GPC5: variants seen among roughly 807,000 people sequenced by gnomAD.
The protein encoded by GPC5 is glypican-5.
A neutral mutation model predicts 53.9 loss-of-function variants in GPC5; 47 were observed. The ratio of observed to expected loss-of-function variants is 0.87; its 90% CI spans 0.69 to 1.11. GPC5 has a LOEUF of 1.11. Ranked by LOEUF, GPC5 falls within the 50% of genes most tolerant of loss-of-function variation. The pLI, the probability that GPC5 is intolerant of heterozygous loss-of-function variation, is 0.00. For synonymous variants in GPC5, 286 were observed against 263.3 expected (o/e 1.09, Z -0.84); for missense variants, 748 against 713.1 (o/e 1.05, Z -0.56).
At chr13:92,199,548 T>C (rs1566481350) in intron 7 of GPC5, among the ~76,000 whole-genome samples, 2 of 152,214 alleles carry the variant, frequency 1.3e-5, no homozygotes. Context: ...AAATATTGAC[T>C]TGAAATACTG....
intron 4 of GPC5, among the ~76,000 whole-genome samples, chr13:91,747,662 C>A (rs369492071): frequency 1.3e-5 from 2 of 149,468 alleles, no homozygotes; most frequent in Non-Finnish European, 3.0e-5. Context: ...TCTAATCTAA[C>A]AATCTACTAA....
intron 6 of GPC5, among the ~76,000 whole-genome samples, chr13:92,080,157 C>T (rs2041284087): frequency 6.6e-6 from 1 of 152,198 alleles, no homozygotes; most frequent in Non-Finnish European, 1.5e-5. Flanking sequence ...TATCTTTCTA[C>T]CTGCTTCTCA....
At chr13:92,109,774 C>A (rs1031720967) in intron 6 of GPC5, among the ~76,000 whole-genome samples, 1 of 151,984 alleles carries the variant, frequency 6.6e-6, no homozygotes, top group Non-Finnish European at 1.5e-5. Context: ...GTTGATTAAT[C>A]AATAAAAATA....
At chr13:92,862,800 G>A (rs1044993368) in intron 7 of GPC5, among the ~76,000 whole-genome samples, 7 of 152,240 alleles carry the variant, frequency 4.6e-5, no homozygotes, top group East Asian at 1.9e-4. Flanking sequence ...CAATGTATAC[G>A]TTCTTGTCCA....
chr13:91,553,977 G>A (rs1168952456), intron 2 of GPC5, among the ~76,000 whole-genome samples: 1 of 151,990 alleles, frequency 6.6e-6, no homozygotes. Flanking sequence ...TTTAAATGAA[G>A]TTTGGAACAT....
rs1417170554 is a variant in GPC5, at chr13:92,380,763, T to TGGGGGGA, written c.1561+235785_1561+235791dup. On this transcript the variant is annotated intron_variant, in intron 7 of 7. Coordinates refer to ENST00000377067, the MANE Select transcript of GPC5 (RefSeq NM_004466.6). ...TCACACTCTGGGGACTGTTGTGGGG[T>TGGGGGGA]GGGGGGAGGGGGGAGGGATAGCACT... is the stretch of plus-strand genomic sequence containing the variant. 6.4e-5 allele frequency among the ~76,000 whole-genome samples: 4 copies of TGGGGGGA among 62,384 alleles called. 1 individual carries two copies. In the South Asian group the frequency reaches 2.7e-3, roughly 42 times the overall value. The allele number at this position is 62,384 out of a possible 152,430, so 40.9% of individuals were successfully genotyped here. A position where few individuals can be genotyped will look rare whatever the true frequency, so the allele number is the denominator to read the frequency against.
intron 7 of GPC5, among the ~76,000 whole-genome samples, chr13:92,437,818 T>C (rs551182157): frequency 6.6e-6 from 1 of 152,164 alleles, no homozygotes; most frequent in South Asian, 2.1e-4. Context: ...AATTCCAACT[T>C]CCTTCAGGTT....
intron 7 of GPC5, among the ~76,000 whole-genome samples, chr13:92,579,043 A>G (rs1320745391): frequency 6.6e-6 from 1 of 152,188 alleles, no homozygotes. Context: ...GCTTACTAGG[A>G]AAGTTATTCA....
intron 7 of GPC5, among the ~76,000 whole-genome samples, chr13:92,354,558 A>T (rs1043664776): frequency 2.0e-5 from 3 of 152,230 alleles, no homozygotes; most frequent in Non-Finnish European, 4.4e-5. Flanking sequence ...TATTCTAGTC[A>T]TTGATGCTGG....
chr13:91,991,832 C>T (rs2040459434), intron 6 of GPC5, among the ~76,000 whole-genome samples: 1 of 146,644 alleles, frequency 6.8e-6, no homozygotes, highest in Admixed American at 6.9e-5. Context: ...GTTAATTTCT[C>T]TGCATCTTAG....
At chr13:91,890,853 C>T (rs781592063) in intron 5 of GPC5, among the ~76,000 whole-genome samples, 4 of 152,102 alleles carry the variant, frequency 2.6e-5, no homozygotes, top group Non-Finnish European at 5.9e-5. Flanking sequence ...GTAGAAGTCT[C>T]ATTGTGATTT....
At chr13:91,762,216 T>G (rs769449705) in intron 5 of GPC5, among the ~76,000 whole-genome samples, 24 of 152,154 alleles carry the variant, frequency 1.6e-4, no homozygotes, top group Admixed American at 3.9e-4. Flanking sequence ...ATAGAAAACT[T>G]TATAAATCTC....
Position 92,191,260 on chromosome 13 carries a change from A to G in GPC5, c.1561+46271A>G, listed in dbSNP as rs545482096. On this transcript the variant is annotated intron_variant, in intron 7 of 7. Transcript: ENST00000377067. ...CCCACCATTAAGATATACAGGTGGCATATAAGAATATAAAAACATGTTCAA... is the reference window on the plus strand; with the variant it reads ...CCCACCATTAAGATATACAGGTGGCGTATAAGAATATAAAAACATGTTCAA... 2.2e-4 allele frequency among the ~76,000 whole-genome samples: 33 copies of G among 152,308 alleles called. 1 individual carries two copies. Among genetic ancestry groups the G allele is most frequent in the Admixed American group, 8.5e-4 (13 of 15,284 alleles).
intron 4 of GPC5, among the ~76,000 whole-genome samples, chr13:91,748,352 C>T (rs950064056): frequency 3.9e-5 from 6 of 152,100 alleles, no homozygotes; most frequent in Non-Finnish European, 4.4e-5. Context: ...ATGCAACACA[C>T]CAGAAAGGTC....
chr13:92,289,680 C>T lies in GPC5; in HGVS notation c.1561+144691C>T, dbSNP rs112260898. On this transcript the variant is annotated intron_variant, in intron 7 of 7. Transcript: ENST00000377067. ...CATAGTAAATCTATGAGGATGAGTA[C>T]GCTTCACCACTAACTTTTCTCAATA... is the stretch of plus-strand genomic sequence containing the variant. 5.3e-3 allele frequency among the ~76,000 whole-genome samples: 812 copies of T among 151,866 alleles called. 5 individuals are homozygous for T. The highest frequency in any genetic ancestry group is 0.018 in the African/African-American group (761 of 41,442).
chr13:91,569,648 C>G (rs117982293), intron 2 of GPC5, among the ~76,000 whole-genome samples: 1 of 152,046 alleles, frequency 6.6e-6, no homozygotes, highest in Non-Finnish European at 1.5e-5. Context: ...TTCCAAAATT[C>G]GTATTGTAGC....
chr13:92,735,399 C>T (rs1253259747), intron 7 of GPC5, among the ~76,000 whole-genome samples: 1 of 151,940 alleles, frequency 6.6e-6, no homozygotes. Flanking sequence ...GAGAACAGAG[C>T]ATGGCCTATA....
At chr13:91,825,429 A>T (rs1365719632) in intron 5 of GPC5, among the ~76,000 whole-genome samples, 1 of 152,168 alleles carries the variant, frequency 6.6e-6, no homozygotes, top group Non-Finnish European at 1.5e-5. Flanking sequence ...GAGTAATAAA[A>T]TGAGCTGTCC....
chr13:92,798,194 G>T (rs890452517), intron 7 of GPC5, among the ~76,000 whole-genome samples: 1 of 151,766 alleles, frequency 6.6e-6, no homozygotes, highest in Non-Finnish European at 1.5e-5. Flanking sequence ...GAAGCATACT[G>T]GTTGTTTTTT....
Sources: gnomAD v4.1 joint callset for allele counts (sites outside exome capture counted in the v4.1 genomes callset) on GRCh38, gnomAD v4.1.1 for gene constraint, MANE v1.5 for transcripts, NCBI Gene and HGNC (gene_info 2026-07-23, HGNC 2026-07-21) for gene names.